The following LIPC variants were observed in gnomAD, a reference collection of about 807,000 sequenced individuals.
The protein encoded by LIPC is hepatic triacylglycerol lipase.
A neutral mutation model predicts 50.7 loss-of-function variants in LIPC; 44 were observed. That is an observed-to-expected ratio of 0.87 (90% CI 0.68 to 1.11). The LOEUF is 1.11. LIPC is among the 50% of genes most tolerant of loss of function. The pLI is 0.00. For synonymous variants in LIPC, 271 were observed against 256.4 expected (o/e 1.06, Z -0.54); for missense variants, 697 against 648.2 (o/e 1.08, Z -0.82).
chr15:58,451,197 G>C (rs1893887799), intron 1 of LIPC, among the ~76,000 whole-genome samples: 1 of 152,164 alleles, frequency 6.6e-6, no homozygotes, highest in African/African-American at 2.4e-5. Flanking sequence ...TGAGACCCAG[G>C]CCTCGAGTGA....
At chr15:58,489,545 G>T (rs1321333952) in intron 1 of LIPC, among the ~76,000 whole-genome samples, 2 of 152,138 alleles carry the variant, frequency 1.3e-5, no homozygotes, top group Admixed American at 6.5e-5. Context: ...GCCTCTGGGT[G>T]GGGGCCCCAA....
At chr15:58,449,117 T>C (rs770234916) in intron 1 of LIPC, among the ~76,000 whole-genome samples, 3 of 152,178 alleles carry the variant, frequency 2.0e-5, no homozygotes, top group Non-Finnish European at 4.4e-5. Context: ...TTAGTCATGC[T>C]GGGGAGGCTC....
intron 1 of LIPC, among the ~76,000 whole-genome samples, chr15:58,525,126 C>T (rs1242396304): frequency 1.3e-5 from 2 of 152,046 alleles, no homozygotes; most frequent in East Asian, 1.9e-4. Flanking sequence ...AAACTTATAA[C>T]TTTTCATCTT....
chr15:58,510,846 G>A (rs1463952767), intron 1 of LIPC, among the ~76,000 whole-genome samples: 1 of 152,236 alleles, frequency 6.6e-6, no homozygotes, highest in Non-Finnish European at 1.5e-5. Context: ...CGTCCTGAAA[G>A]GACCTCTCAG....
At chr15:58,468,776 C>A (rs12593008) in intron 1 of LIPC, among the ~76,000 whole-genome samples, 38,041 of 152,062 alleles carry the variant, frequency 0.25, 5,061 homozygotes, top group South Asian at 0.33. Context: ...TACAGAGCTG[C>A]CACCCAGACT....
intron 6 of LIPC, among the ~76,000 whole-genome samples, chr15:58,559,641 G>T (rs548520466): frequency 1.3e-5 from 2 of 151,208 alleles, no homozygotes; most frequent in East Asian, 3.9e-4. Context: ...AGGAGGTCAA[G>T]GCTGCAGTAA....
rs1408609222 is a variant in LIPC at position 58,504,945 on chromosome 15, A to G, written c.89-33388A>G. ...TGGTTATGTAGCACTGGGGATGCCA[A>G]TAACAGCCAGATAAAGAATAGAACT... On this transcript the variant is annotated intron_variant, in intron 1 of 8. Transcript: ENST00000299022. 2.0e-5 allele frequency among the ~76,000 whole-genome samples: 3 copies of G among 152,230 alleles called. No homozygotes were observed. The East Asian group carries it at 5.8e-4, about 29-fold the overall frequency.
At chr15:58,510,799 T>C (rs1892305434) in intron 1 of LIPC, among the ~76,000 whole-genome samples, 1 of 152,266 alleles carries the variant, frequency 6.6e-6, no homozygotes, top group Non-Finnish European at 1.5e-5. Flanking sequence ...AATGAAATAC[T>C]ATAATAAACA....
At chr15:58,476,962 C>G (rs1020752390) in intron 1 of LIPC, among the ~76,000 whole-genome samples, 1 of 152,216 alleles carries the variant, frequency 6.6e-6, no homozygotes, top group Admixed American at 6.5e-5. Flanking sequence ...CATTCTAACT[C>G]AAATCAAACA....
intron 1 of LIPC, among the ~76,000 whole-genome samples, chr15:58,453,000 G>T (rs553153896): frequency 1.3e-5 from 2 of 152,292 alleles, no homozygotes; most frequent in African/African-American, 4.8e-5. Context: ...GACAGCTGTG[G>T]CCCCTTTTGG....
chr15:58,466,854 C>T (rs1397431774), intron 1 of LIPC, among the ~76,000 whole-genome samples: 1 of 152,190 alleles, frequency 6.6e-6, no homozygotes, highest in Non-Finnish European at 1.5e-5. Flanking sequence ...ACTGTAATCA[C>T]TTCGTAAAGT....
intron 1 of LIPC, among the ~76,000 whole-genome samples, chr15:58,486,079 G>C (rs1434824439): frequency 6.6e-6 from 1 of 152,200 alleles, no homozygotes; most frequent in African/African-American, 2.4e-5. Flanking sequence ...AAAGCTGTGT[G>C]TCTCTACCAT....
chr15:58,566,432 G>C (rs1374275178), intron 8 of LIPC: 19 of 984,858 alleles, frequency 1.9e-5, no homozygotes, highest in African/African-American at 5.2e-5. Context: ...CAGTTGTTTA[G>C]TGATAAACGA....
intron 1 of LIPC, among the ~76,000 whole-genome samples, chr15:58,438,314 C>G: frequency 6.6e-6 from 1 of 152,142 alleles, no homozygotes; most frequent in East Asian, 1.9e-4. Context: ...ACCCAGGCCT[C>G]AGCCTGGGTG....
Position 58,563,569 on chromosome 15 carries a change from G to A in LIPC, c.1234G>A (p.Glu412Lys), listed in dbSNP as rs774995346. Residue 412 changes from glutamate (E) to lysine (K), a missense_variant, in exon 8 of 9, where the codon GAG becomes AAG. Physicochemically the swap from Glu to Lys is moderately conservative, Grantham distance 56. Transcript: ENST00000299022. The stretch of plus-strand genomic sequence containing the variant: ...TATCACGCTGGATGTGGATATCGGC[G>A]AGCTGATCATGATCAAGTTCAAGTG... The part of the protein sequence containing the change: ...FLITLDVDIG[E>K]LIMIKFKWEN... 2.5e-6 allele frequency: 4 copies of A among 1,614,142 alleles called. No homozygotes were observed. Among genetic ancestry groups the A allele is most frequent in the Non-Finnish European group, 1.7e-6 (2 of 1,180,020 alleles).
intron 1 of LIPC, among the ~76,000 whole-genome samples, chr15:58,513,345 A>G (rs1164887330): frequency 6.6e-6 from 1 of 152,232 alleles, no homozygotes; most frequent in Non-Finnish European, 1.5e-5. Flanking sequence ...ACAAACTAGA[A>G]GAAACTCTGC....
At chr15:58,567,114 A>G (rs1475347238) in intron 8 of LIPC, among the ~76,000 whole-genome samples, 1 of 150,794 alleles carries the variant, frequency 6.6e-6, no homozygotes, top group Non-Finnish European at 1.5e-5. Context: ...AGGCAAAGGA[A>G]TCGCTTGAAC....
chr15:58,443,219 C>G (rs1893564620), intron 1 of LIPC, among the ~76,000 whole-genome samples: 1 of 152,152 alleles, frequency 6.6e-6, no homozygotes, highest in Admixed American at 6.5e-5. Flanking sequence ...GCCGAGATAT[C>G]CCATTTTGGA....
chr15:58,473,525 G>C (rs577161577), intron 1 of LIPC: 22 of 152,310 alleles, frequency 1.4e-4, no homozygotes, highest in East Asian at 5.8e-4. Flanking sequence ...GAAATGTCTG[G>C]GGACAGCATA....
Sources: gnomAD v4.1 joint callset for allele counts (sites outside exome capture counted in the v4.1 genomes callset) on GRCh38, gnomAD v4.1.1 for gene constraint, MANE v1.5 for transcripts, NCBI Gene and HGNC (gene_info 2026-07-23, HGNC 2026-07-21) for gene names.